The following CCDC13 variants were observed in gnomAD, a reference collection of about 807,000 sequenced individuals.
CCDC13 encodes coiled-coil domain containing 13, also known as coiled-coil domain-containing protein 13.
Under a neutral mutation model 87.3 loss-of-function variants are expected in CCDC13, and 70 were observed. That is an observed-to-expected ratio of 0.80 (90% CI 0.66 to 0.98). The LOEUF (loss-of-function observed/expected upper bound fraction) is 0.98, where lower values mean the gene tolerates loss of function less well. Among genes scored for constraint, CCDC13 ranks in the 50% least tolerant of loss-of-function variants. The pLI, the probability that CCDC13 is intolerant of heterozygous loss-of-function variation, is 0.00. For synonymous variants in CCDC13, 317 were observed against 360.3 expected, an observed-to-expected ratio of 0.88 and a Z score of 1.36; for missense variants, 842 against 892.0, an observed-to-expected ratio of 0.94 and a Z score of 0.71.
intron 1 of CCDC13, among the ~76,000 whole-genome samples, chr3:42,763,976 A>G (rs542319325): frequency 2.0e-5 from 3 of 152,246 alleles, no homozygotes; most frequent in Non-Finnish European, 4.4e-5. Context: ...GATTTGGTCC[A>G]GAAAAGCAGG....
At chr3:42,753,634 C>T (rs777362272) in intron 3 of CCDC13, among the ~76,000 whole-genome samples, 20 of 152,112 alleles carry the variant, frequency 1.3e-4, no homozygotes, top group African/African-American at 3.4e-4. Context: ...GGGGTAAGAA[C>T]GAGGGAGATG....
chr3:42,728,694 T>C (rs1698748963), intron 13 of CCDC13, among the ~76,000 whole-genome samples: 2 of 152,108 alleles, frequency 1.3e-5, no homozygotes, highest in African/African-American at 4.8e-5. Flanking sequence ...TGGGTTCCCT[T>C]TTCTTGTTAC....
chr3:42,739,487 G>T, intron 9 of CCDC13, 147 bp downstream of exon 9: 1 of 841,272 alleles, frequency 1.2e-6, no homozygotes, highest in Non-Finnish European at 1.8e-6. Context: ...CAGGGCTTTG[G>T]TACTGGGGGC....
rs200693147 is a variant in CCDC13 at position 42,748,835 on chromosome 3, AC to A, written c.604-1463del. Among the ~76,000 whole-genome samples, 1,156 of 152,024 alleles carry A rather than the reference AC, an allele frequency of 7.6e-3. 3 individuals are homozygous for A. The highest frequency in any genetic ancestry group is 0.013 in the Non-Finnish European group (865 of 67,954). ...TGAAACATAATCTCAGCTCACTGCAACCTCCGCCCCCCCGGGTTGAAGCGAT... is the reference window on the plus strand; with the variant it reads ...TGAAACATAATCTCAGCTCACTGCAACTCCGCCCCCCCGGGTTGAAGCGAT... On this transcript the variant is annotated intron_variant, in intron 5 of 15. Coordinates refer to ENST00000310232, the MANE Select transcript of CCDC13 (RefSeq NM_144719.4).
At chr3:42,741,014 G>GC (rs1412789909) in intron 8 of CCDC13, 1 of 152,194 alleles carries the variant, frequency 6.6e-6, no homozygotes, top group African/African-American at 2.4e-5. Context: ...CATGCAGGAA[G>GC]CTGTTTCCTT....
At chr3:42,751,854 G>A (rs192353231) in intron 5 of CCDC13, 82 bp downstream of exon 5, 6 of 1,272,218 alleles carry the variant, frequency 4.7e-6, no homozygotes, top group Non-Finnish European at 6.8e-6. Context: ...CTCGGGTAGA[G>A]GTACCTACAC....
At chr3:42,734,918 C>A (rs1698956512) in intron 10 of CCDC13, among the ~76,000 whole-genome samples, 1 of 152,254 alleles carries the variant, frequency 6.6e-6, no homozygotes, top group Admixed American at 6.5e-5. Flanking sequence ...CTTAGACAAG[C>A]ATTTATTGAG....
chr3:42,728,549 T>C (rs775997871), intron 13 of CCDC13, among the ~76,000 whole-genome samples: 4 of 152,374 alleles, frequency 2.6e-5, no homozygotes, highest in Middle Eastern at 3.4e-3. Flanking sequence ...TTTGGTTTAA[T>C]TGGCCAATCA....
intron 7 of CCDC13, among the ~76,000 whole-genome samples, chr3:42,743,600 T>TAC (rs377644122): frequency 4.0e-5 from 5 of 125,796 alleles, no homozygotes; most frequent in Admixed American, 7.8e-5. Context: ...TATATATATA[T>TAC]ACACACACAC....
chr3:42,743,088 T>G, intron 7 of CCDC13, 31 bp from the exon 8 acceptor site: 1 of 1,612,254 alleles, frequency 6.2e-7, no homozygotes, highest in Admixed American at 1.7e-5. Context: ...CGTTCCACAA[T>G]GGGTCTTCTG....
chr3:42,717,485 G>C (rs1445636009), intron 13 of CCDC13, among the ~76,000 whole-genome samples: 1 of 151,758 alleles, frequency 6.6e-6, no homozygotes, highest in Non-Finnish European at 1.5e-5. Context: ...TGGCGTATGA[G>C]GAGCTATTGC....
chr3:42,746,694 T>C (rs1335025691), intron 6 of CCDC13: 1 of 176,788 alleles, frequency 5.7e-6, no homozygotes, highest in African/African-American at 2.4e-5. Context: ...TTGGCCAGTC[T>C]GAGTGGTTCC....
chr3:42,768,567 T>G (rs1699979587), intron 1 of CCDC13, among the ~76,000 whole-genome samples: 1 of 151,814 alleles, frequency 6.6e-6, no homozygotes, highest in Non-Finnish European at 1.5e-5. Flanking sequence ...CATGTTGGTG[T>G]GCACCTGCAG....
At chr3:42,768,632 G>T (rs1359743514) in intron 1 of CCDC13, among the ~76,000 whole-genome samples, 1 of 151,940 alleles carries the variant, frequency 6.6e-6, no homozygotes, top group Non-Finnish European at 1.5e-5. Flanking sequence ...GGGAGGTGGA[G>T]GTTGCAGTAA....
intron 6 of CCDC13, 100 bp from the exon 7 acceptor site, chr3:42,746,127 C>T: frequency 1.2e-6 from 1 of 864,342 alleles, no homozygotes; most frequent in African/African-American, 1.7e-5. Flanking sequence ...CAGTCTTCAC[C>T]TACACGATCT....
intron 12 of CCDC13, among the ~76,000 whole-genome samples, chr3:42,731,344 TG>T (rs917192214): frequency 1.8e-5 from 2 of 113,358 alleles, no homozygotes; most frequent in Non-Finnish European, 3.9e-5. Flanking sequence ...TCGGTGGTCT[TG>T]GGCAGGTCTC....
chr3:42,751,505 T>C (rs1341161744), intron 5 of CCDC13, among the ~76,000 whole-genome samples: 1 of 152,224 alleles, frequency 6.6e-6, no homozygotes, highest in East Asian at 1.9e-4. Context: ...AGGATTCCAC[T>C]GGGCAGTAGT....
intron 13 of CCDC13, among the ~76,000 whole-genome samples, chr3:42,723,540 C>T (rs192283928): frequency 2.8e-4 from 43 of 152,158 alleles, no homozygotes; most frequent in Admixed American, 2.6e-3. Flanking sequence ...CTGCCTACCA[C>T]AGTAAAAATA....
intron 14 of CCDC13, among the ~76,000 whole-genome samples, chr3:42,710,210 A>C: frequency 6.6e-6 from 1 of 151,360 alleles, no homozygotes; most frequent in East Asian, 1.9e-4. Context: ...CCAGGGTTCA[A>C]GCGATTCTTG....
Sources: allele counts gnomAD v4.1 joint callset (sites outside exome capture counted in the v4.1 genomes callset), GRCh38; gene constraint gnomAD v4.1.1; transcripts MANE v1.5; gene names NCBI Gene and HGNC (gene_info 2026-07-23, HGNC 2026-07-21).